UPF2: variants seen among roughly 807,000 people sequenced by gnomAD.
UPF2 encodes the protein regulator of nonsense transcripts 2.
A neutral mutation model predicts 141.4 loss-of-function variants in UPF2; 17 were observed. That is an observed-to-expected ratio of 0.12 (90% CI 0.08 to 0.18). The LOEUF is 0.18. UPF2 is among the 10% of genes least tolerant of loss of function. UPF2 has a pLI of 1.00. For missense variants in UPF2, 1,152 were observed against 1,515.9 expected (o/e 0.76, Z 3.99); for synonymous variants, 540 against 498.0 (o/e 1.08, Z -1.12).
intron 18 of UPF2, among the ~76,000 whole-genome samples, chr10:11,938,294 TGACA>T (rs761014334): frequency 5.7e-4 from 87 of 152,312 alleles, no homozygotes; most frequent in East Asian, 4.0e-3. Context: ...ATTTAATTAT[TGACA>T]GACAATTTTT....
At chr10:11,973,028 C>T (rs1011357534) in intron 9 of UPF2, among the ~76,000 whole-genome samples, 12 of 152,192 alleles carry the variant, frequency 7.9e-5, no homozygotes, top group East Asian at 3.9e-4. Flanking sequence ...TATTTCTCCA[C>T]GTCCTCTCCA....
chr10:12,005,772 T>C (rs567022440), intron 4 of UPF2, among the ~76,000 whole-genome samples: 24 of 152,272 alleles, frequency 1.6e-4, no homozygotes, highest in African/African-American at 5.3e-4. Context: ...GGTTTCGCCA[T>C]GTTGGCCAGG....
Position 11,959,651 on chromosome 10 carries a change from T to G in UPF2, c.2185-295A>C, listed in dbSNP as rs1353160572. On this transcript the variant is annotated intron_variant, in intron 11 of 21. Transcript: ENST00000357604. This position sits in a 1 kb window ranked among gnomAD's most constrained non-coding sequence, Gnocchi z 5.9. The stretch of plus-strand genomic sequence containing the variant: ...GGCGCACACCTGTAGTCCCAGCTAC[T>G]TGGGAGGTTGAGGTGGGTGGACAGC... 6.6e-6 allele frequency among the ~76,000 whole-genome samples: 1 copy of G among 151,918 alleles called. No individual in the cohort carries two copies. Among genetic ancestry groups the G allele is most frequent in the African/African-American group, 2.4e-5 (1 of 41,336 alleles).
intron 18 of UPF2, among the ~76,000 whole-genome samples, chr10:11,938,786 C>T (rs1187141831): frequency 7.0e-6 from 1 of 143,094 alleles, no homozygotes; most frequent in Non-Finnish European, 1.5e-5. Context: ...GAAGGCAACA[C>T]AGTAAAACAG....
At chr10:12,006,454 GTTAGA>G (rs1834037215) in intron 4 of UPF2, among the ~76,000 whole-genome samples, 3 of 152,036 alleles carry the variant, frequency 2.0e-5, no homozygotes, top group South Asian at 2.1e-4. Context: ...TTAACCGTAA[GTTAGA>G]TTATTCATTA....
At chr10:11,942,112 C>T (rs866275829) in intron 18 of UPF2, among the ~76,000 whole-genome samples, 1 of 152,130 alleles carries the variant, frequency 6.6e-6, no homozygotes, top group Non-Finnish European at 1.5e-5. Flanking sequence ...TGGTGGCTCA[C>T]GCTGTAATCC....
intron 4 of UPF2, among the ~76,000 whole-genome samples, chr10:12,012,070 C>T (rs111603303): frequency 9.9e-5 from 15 of 150,888 alleles, no homozygotes; most frequent in African/African-American, 3.4e-4. Context: ...CCCAAGTATG[C>T]TAAATGTTTT....
At chr10:11,964,649 A>AT (rs1339852895) in intron 10 of UPF2, among the ~76,000 whole-genome samples, 1 of 152,128 alleles carries the variant, frequency 6.6e-6, no homozygotes, top group South Asian at 2.1e-4. Flanking sequence ...ACTAGGAAAA[A>AT]TTTTTTGTGT....
At chr10:11,942,995 G>T in intron 17 of UPF2, 69 bp downstream of exon 17, 1 of 1,140,446 alleles carries the variant, frequency 8.8e-7, no homozygotes, top group Non-Finnish European at 1.3e-6. Flanking sequence ...ATTCAGTTTC[G>T]TGACTAAAAT....
rs994744206 is a variant in UPF2, at chr10:12,019,181, G to A, written c.1146-4997C>T. 3.3e-5 allele frequency among the ~76,000 whole-genome samples: 5 copies of A among 152,118 alleles called. No individual in the cohort carries two copies. The highest frequency in any genetic ancestry group is 1.3e-4 in the Admixed American group (2 of 15,268). ...GGTCAGCAAACTTTTTCTGTAAAGG[G>A]CCATACAATACATATTTCAGTCTCT... On this transcript the variant is annotated intron_variant, in intron 3 of 21. Coordinates refer to ENST00000357604, the MANE Select transcript of UPF2 (RefSeq NM_015542.4). This position sits in a 1 kb window ranked among gnomAD's most constrained non-coding sequence, Gnocchi z 4.5.
At chr10:12,003,419 AACAGAACAAT>A (rs1833984015) in intron 5 of UPF2, among the ~76,000 whole-genome samples, 1 of 152,180 alleles carries the variant, frequency 6.6e-6, no homozygotes, top group Non-Finnish European at 1.5e-5. Context: ...CCAACCAGAA[AACAGAACAAT>A]GCAGGAAGGC....
intron 10 of UPF2, among the ~76,000 whole-genome samples, chr10:11,966,513 C>T (rs1026561800): frequency 1.3e-5 from 2 of 152,150 alleles, no homozygotes; most frequent in Non-Finnish European, 2.9e-5. Context: ...CAACCTCCAC[C>T]TCCTGGGTTC....
rs926603063 is a variant in UPF2, at chr10:11,979,181, G to A, written c.1845-16C>T. Reference sequence around the variant, plus strand: ...CAAATCCAACCTGCAAAAGTTATATGTGATATGTGTCAAAGGAAAGACATA... The same window carrying A: ...CAAATCCAACCTGCAAAAGTTATATATGATATGTGTCAAAGGAAAGACATA... On this transcript the variant is annotated splice_polypyrimidine_tract_variant and intron_variant, in intron 8 of 21. Coordinates refer to ENST00000357604, the MANE Select transcript of UPF2 (RefSeq NM_015542.4). This position sits in a 1 kb window ranked among gnomAD's most constrained non-coding sequence, Gnocchi z 6.2. The A allele has an allele frequency of 6.3e-7, 1 of 1,578,692 alleles. No homozygotes were observed. The highest frequency in any genetic ancestry group is 8.7e-7 in the Non-Finnish European group (1 of 1,151,254).
At chr10:12,040,178 T>C (rs141220477) in intron 1 of UPF2, among the ~76,000 whole-genome samples, 6,911 of 152,050 alleles carry the variant, frequency 0.045, 211 homozygotes, top group Non-Finnish European at 0.069. Flanking sequence ...CCCAGCACTT[T>C]GGGAGGCCGA....
In UPF2 at chr10:11,933,454, A is replaced by G. The variant is rs115792648; in HGVS notation, c.3547-1672T>C. 6.8e-3 allele frequency among the ~76,000 whole-genome samples: 1,042 copies of G among 152,316 alleles called. 13 individuals carry two copies. Among genetic ancestry groups the G allele is most frequent in the African/African-American group, 0.024 (980 of 41,572 alleles). ...CTGAGTTTTCATTTCATGTCTGCTA[A>G]TATTTTTAAAATTTAGTAATAATAT... is the stretch of plus-strand genomic sequence containing the variant. On this transcript the variant is annotated intron_variant, in intron 19 of 21. Transcript: ENST00000357604.
Position 11,933,875 on chromosome 10 carries a change from C to T in UPF2, c.3547-2093G>A, listed in dbSNP as rs138636900. On this transcript the variant is annotated intron_variant, in intron 19 of 21. Coordinates refer to ENST00000357604, the MANE Select transcript of UPF2 (RefSeq NM_015542.4). ...CTTCAAAAAGAGATATTCCTAAACT[C>T]TCTTTTAGTTAACAAAAATCATGGC... is the stretch of plus-strand genomic sequence containing the variant. Among the ~76,000 whole-genome samples, 506 of 152,330 alleles carry T rather than the reference C, an allele frequency of 3.3e-3. 1 individual carries two copies. Among genetic ancestry groups the T allele is most frequent in the African/African-American group, 0.011 (475 of 41,574 alleles).
intron 15 of UPF2, among the ~76,000 whole-genome samples, chr10:11,950,106 CG>C (rs1564341653): frequency 6.6e-6 from 1 of 151,778 alleles, no homozygotes; most frequent in African/African-American, 2.4e-5. Context: ...AATATTAACA[CG>C]ATTATCTTTC....
At chr10:12,012,407 C>T (rs1349629704) in intron 4 of UPF2, among the ~76,000 whole-genome samples, 2 of 152,114 alleles carry the variant, frequency 1.3e-5, no homozygotes, top group Non-Finnish European at 2.9e-5. Context: ...AATATCTTAA[C>T]AAATATACTG....
intron 3 of UPF2, among the ~76,000 whole-genome samples, chr10:12,018,225 A>G (rs1834258291): frequency 6.6e-6 from 1 of 152,184 alleles, no homozygotes; most frequent in South Asian, 2.1e-4. Context: ...AGGAGGGCCG[A>G]TTGCTTGAGC....
Sources: gnomAD v4.1 joint callset for allele counts (sites outside exome capture counted in the v4.1 genomes callset) on GRCh38, gnomAD v4.1.1 for gene constraint, Gnocchi (gnomAD v3.1) non-coding constraint, MANE v1.5 for transcripts, NCBI Gene and HGNC (gene_info 2026-07-23, HGNC 2026-07-21) for gene names.